Variants in CDX1 observed in about 807,000 individuals in gnomAD.
CDX1 encodes the protein homeobox protein CDX-1.
Under a neutral mutation model 16.9 loss-of-function variants are expected in CDX1, and 9 were observed. The ratio of observed to expected loss-of-function variants is 0.53; its 90% CI spans 0.32 to 0.93. The LOEUF (loss-of-function observed/expected upper bound fraction) is 0.93. Ranked by LOEUF, CDX1 falls within the 40% of genes least tolerant of loss-of-function variation. The pLI is 0.04. For missense variants in CDX1, 393 were observed against 386.1 expected (o/e 1.02, Z -0.15); for synonymous variants, 179 against 179.0 (o/e 1.00, Z 0.00).
chr5:150,170,269 A>G (rs1761487073), intron 1 of CDX1, among the ~76,000 whole-genome samples: 2 of 152,036 alleles, frequency 1.3e-5, no homozygotes, highest in Admixed American at 6.5e-5. Context: ...TCATTTCCCA[A>G]AGTGGACTCC....
In CDX1 at chr5:150,166,879, G is replaced by GT. The variant is rs2051382580; in HGVS notation, c.4dup (p.Tyr2LeufsTer98). 6.7e-7 allele frequency: 1 copy of GT among 1,501,320 alleles called. No homozygotes were observed. Among genetic ancestry groups the GT allele is most frequent in the Admixed American group, 2.3e-5 (1 of 43,850 alleles). The allele number at this position is 1,501,320 out of a possible 1,614,324, so 93.0% of individuals were successfully genotyped here. On this transcript the variant is annotated frameshift_variant, in exon 1 of 3. Coordinates refer to ENST00000231656, the MANE Select transcript of CDX1 (RefSeq NM_001804.3). LOFTEE classifies it high-confidence loss of function. ...GCGCGGGGGACCCCGCGGCCACCAT[G>GT]TATGTGGGCTATGTGCTGGACAAGG...
intron 1 of CDX1, among the ~76,000 whole-genome samples, chr5:150,179,938 G>T (rs1226972378): frequency 6.6e-6 from 1 of 152,264 alleles, no homozygotes; most frequent in African/African-American, 2.4e-5. Context: ...GAGCTCTAGG[G>T]CATGGGGCAT....
intron 1 of CDX1, among the ~76,000 whole-genome samples, chr5:150,180,074 G>A (rs1761622229): frequency 2.0e-5 from 3 of 152,188 alleles, no homozygotes; most frequent in East Asian, 1.9e-4. Flanking sequence ...TGTGAACCCC[G>A]ATCTCTTCCT....
In CDX1 at chr5:150,183,640, C is replaced by A. The variant is rs1158796276; in HGVS notation, c.758C>A (p.Thr253Asn). 2 of 1,606,810 alleles carry A rather than the reference C, an allele frequency of 1.2e-6. No homozygotes were observed. The highest frequency in any genetic ancestry group is 4.5e-5 in the East Asian group (2 of 44,776). The change falls in exon 3 of 3, where the codon ACC (threonine) becomes AAC (asparagine). Residue 253 changes from threonine to asparagine, a missense_variant. By Grantham distance (65) the Thr-to-Asn change is moderately conservative (BLOSUM62 0). Transcript: ENST00000231656. Reference protein sequence around the residue: ...LCPSNTSLLATSSPMPVKEEF... With the variant: ...LCPSNTSLLANSSPMPVKEEF... The stretch of plus-strand genomic sequence containing the variant: ...CCCAGCAACACCAGCCTCCTGGCCA[C>A]CTCCTCTCCAATGCCTGTGAAAGAG...
chr5:150,173,835 G>A (rs1434030078), intron 1 of CDX1, among the ~76,000 whole-genome samples: 1 of 152,248 alleles, frequency 6.6e-6, no homozygotes, highest in Non-Finnish European at 1.5e-5. Context: ...TGCTTTGGAG[G>A]CTGAGCCACC....
chr5:150,171,029 G>T (rs540866745), intron 1 of CDX1, among the ~76,000 whole-genome samples: 1 of 152,244 alleles, frequency 6.6e-6, no homozygotes, highest in Admixed American at 6.5e-5. Flanking sequence ...TCTCAGGACT[G>T]GGGAGATGTT....
At position 150,167,068 on chromosome 5, in the gene CDX1, CT is replaced by C; in HGVS notation, c.194del (p.Phe65SerfsTer134). On this transcript the variant is annotated frameshift_variant, in exon 1 of 3. Transcript: ENST00000231656. LOFTEE classifies it high-confidence loss of function. ...CGCCCCCGACGGCCTGGGGGGCGCCCTTCCCTGCGCCCAAGGACGACTGGGC... is the reference window on the plus strand; with the variant it reads ...CGCCCCCGACGGCCTGGGGGGCGCCCTCCCTGCGCCCAAGGACGACTGGGC... ...PAPPTAWGAP[F>X]PAPKDDWAAA... The C allele has an allele frequency of 7.1e-7, 1 of 1,416,476 alleles. No individual in the cohort carries two copies. Among genetic ancestry groups the C allele is most frequent in the Non-Finnish European group, 9.2e-7 (1 of 1,091,176 alleles). 87.7% of individuals were successfully genotyped at this position (1,416,476 alleles called of 1,614,324 possible).
chr5:150,171,136 C>T (rs1353217797), intron 1 of CDX1, among the ~76,000 whole-genome samples: 1 of 152,114 alleles, frequency 6.6e-6, no homozygotes, highest in Non-Finnish European at 1.5e-5. Flanking sequence ...TATGAATCCT[C>T]CCCTCCCCCC....
intron 1 of CDX1, among the ~76,000 whole-genome samples, chr5:150,169,421 A>C (rs972863321): frequency 1.3e-5 from 2 of 152,060 alleles, no homozygotes; most frequent in East Asian, 3.9e-4. Context: ...CCAAGGCTCC[A>C]GGAAAGGGAC....
chr5:150,171,130 A>G (rs1418735615), intron 1 of CDX1, among the ~76,000 whole-genome samples: 2 of 151,984 alleles, frequency 1.3e-5, no homozygotes, highest in African/African-American at 4.8e-5. Flanking sequence ...GAAGGATATG[A>G]ATCCTCCCCT....
Position 150,167,099 on chromosome 5 carries a change from G to C in CDX1, c.223G>C (p.Ala75Pro), listed in dbSNP as rs1386638267. The change falls in exon 1 of 3, where the codon GCC becomes CCC. Residue 75 changes from alanine (A) to proline (P), a missense_variant. Physicochemically the swap from Ala to Pro is conservative, Grantham distance 27 (BLOSUM62 -1). Coordinates refer to ENST00000231656, the MANE Select transcript of CDX1 (RefSeq NM_001804.3). The part of the protein sequence containing the change: ...FPAPKDDWAA[A>P]YGPGPAAPAA... The stretch of plus-strand genomic sequence containing the variant: ...TGCGCCCAAGGACGACTGGGCCGCC[G>C]CCTACGGCCCGGGCCCCGCGGCCCC... 1.5e-6 allele frequency: 2 copies of C among 1,366,576 alleles called. No homozygotes were observed. Among genetic ancestry groups the C allele is most frequent in the Non-Finnish European group, 1.9e-6 (2 of 1,067,828 alleles). The allele number at this position is 1,366,576 out of a possible 1,614,324, so 84.7% of individuals were successfully genotyped here. A position where few individuals can be genotyped will look rare whatever the true frequency, so the allele number is the denominator to read the frequency against.
At chr5:150,172,302 C>T (rs1761517928) in intron 1 of CDX1, among the ~76,000 whole-genome samples, 1 of 152,166 alleles carries the variant, frequency 6.6e-6, no homozygotes, top group Admixed American at 6.5e-5. Flanking sequence ...AGTAAGAGCT[C>T]GTGATAAAGC....
chr5:150,177,934 G>A (rs1277341058), intron 1 of CDX1, among the ~76,000 whole-genome samples: 1 of 152,132 alleles, frequency 6.6e-6, no homozygotes, highest in Non-Finnish European at 1.5e-5. Context: ...CCAGAGAAGG[G>A]TGACAAGGTC....
chr5:150,177,869 AC>A (rs1215441284), intron 1 of CDX1, among the ~76,000 whole-genome samples: 4 of 152,054 alleles, frequency 2.6e-5, no homozygotes, highest in Non-Finnish European at 2.9e-5. Flanking sequence ...GCCCCGAGAC[AC>A]CTCTGGAGTC....
At chr5:150,175,584 G>A (rs1177643143) in intron 1 of CDX1, among the ~76,000 whole-genome samples, 1 of 152,176 alleles carries the variant, frequency 6.6e-6, no homozygotes, top group Non-Finnish European at 1.5e-5. Flanking sequence ...CTTGAGTGAG[G>A]AACCATGATA....
chr5:150,182,489 C>T (rs531378528), intron 1 of CDX1, among the ~76,000 whole-genome samples: 7 of 152,322 alleles, frequency 4.6e-5, no homozygotes, highest in South Asian at 2.1e-4. Flanking sequence ...GCTGCAGCTC[C>T]GTCAGCAGCC....
At chr5:150,178,979 G>T (rs1391709401) in intron 1 of CDX1, among the ~76,000 whole-genome samples, 1 of 151,846 alleles carries the variant, frequency 6.6e-6, no homozygotes, top group Non-Finnish European at 1.5e-5. Context: ...CTCCCTGCTT[G>T]TACACGTGTA....
At chr5:150,178,417 C>T (rs1297064409) in intron 1 of CDX1, among the ~76,000 whole-genome samples, 2 of 152,152 alleles carry the variant, frequency 1.3e-5, no homozygotes, top group East Asian at 3.9e-4. Context: ...GGGAGTGGCC[C>T]GCCCCTCAGC....
chr5:150,166,995 C>T lies in CDX1; in HGVS notation c.119C>T (p.Pro40Leu). ...YGPPAPPPAP[P>L]QYPDFSSYSH... is the part of the protein sequence containing the mutation. ...CCCCCGGCCCCGCCCCCGGCGCCCCCGCAGTACCCCGACTTCTCCAGCTAC... is the reference window on the plus strand; with the variant it reads ...CCCCCGGCCCCGCCCCCGGCGCCCCTGCAGTACCCCGACTTCTCCAGCTAC... The change falls in exon 1 of 3, where the codon CCG becomes CTG. Residue 40 changes from proline to leucine, a missense_variant. Coordinates refer to ENST00000231656, the MANE Select transcript of CDX1 (RefSeq NM_001804.3). 1.0e-5 allele frequency: 15 copies of T among 1,446,082 alleles called. No homozygotes were observed. The highest frequency in any genetic ancestry group is 1.4e-5 in the Non-Finnish European group (15 of 1,105,078). The allele number at this position is 1,446,082 out of a possible 1,614,324, so 89.6% of individuals were successfully genotyped here.
Sources: gnomAD v4.1 joint callset for allele counts (sites outside exome capture counted in the v4.1 genomes callset) on GRCh38, gnomAD v4.1.1 for gene constraint, MANE v1.5 for transcripts, NCBI Gene and HGNC (gene_info 2026-07-23, HGNC 2026-07-21) for gene names.